PCDHA7: variants seen among roughly 807,000 people sequenced by gnomAD.
The protein encoded by PCDHA7 is protocadherin alpha 7, also known as protocadherin alpha-7.
PCDHA7 carries 37 observed loss-of-function variants against 57.2 expected under a neutral mutation model. The ratio of observed to expected loss-of-function variants is 0.65; its 90% CI spans 0.50 to 0.85. PCDHA7 has a LOEUF of 0.85. Ranked by LOEUF, PCDHA7 falls within the 40% of genes least tolerant of loss-of-function variation. The pLI is 0.00. For synonymous variants in PCDHA7, 553 were observed against 558.8 expected (o/e 0.99, Z 0.15); for missense variants, 1,188 against 1,241.8 (o/e 0.96, Z 0.65).
intron 1 of PCDHA7, among the ~76,000 whole-genome samples, chr5:140,955,418 G>A: frequency 6.6e-6 from 1 of 152,140 alleles, no homozygotes; most frequent in Non-Finnish European, 1.5e-5. Flanking sequence ...ATGATAGTGA[G>A]TGAGTTCTCA....
rs2060245016 is a variant in PCDHA7 at position 140,884,536 on chromosome 5, G to C, written c.2355+47798G>C. 5 of 1,614,090 alleles carry C rather than the reference G, an allele frequency of 3.1e-6. No individual in the cohort carries two copies. In the East Asian group the frequency reaches 1.1e-4, roughly 36 times the overall value. ...GGTCGTACTCGCAGCAGAGGCGGCC[G>C]AGGGTGTGCTCTGGGGAGGGCCCGC... On this transcript the variant is annotated intron_variant, in intron 1 of 3. Transcript: ENST00000525929.
At chr5:140,861,404 G>A in intron 1 of PCDHA7, 2 of 468,962 alleles carry the variant, frequency 4.3e-6, no homozygotes, top group East Asian at 5.7e-5. Flanking sequence ...AGCTTGTGGA[G>A]CTGATACCGC....
intron 1 of PCDHA7, chr5:140,862,842 G>A (rs1554157108): frequency 1.7e-6 from 1 of 572,982 alleles, no homozygotes. Flanking sequence ...CGGGCATGCC[G>A]CCTCTGAGCA....
intron 1 of PCDHA7, chr5:140,866,274 A>G (rs1554160163): frequency 6.6e-6 from 1 of 152,156 alleles, no homozygotes; most frequent in African/African-American, 2.4e-5. Flanking sequence ...GTGAATAAAG[A>G]CAGTGTTTGG....
intron 3 of PCDHA7, among the ~76,000 whole-genome samples, chr5:141,008,339 C>T (rs782805145): frequency 1.1e-4 from 16 of 152,176 alleles, no homozygotes; most frequent in Non-Finnish European, 1.5e-4. Context: ...TTTGATGGAG[C>T]TTTTCACGTG....
At chr5:140,963,556 T>A (rs891498931) in intron 1 of PCDHA7, among the ~76,000 whole-genome samples, 28 of 152,238 alleles carry the variant, frequency 1.8e-4, no homozygotes, top group Non-Finnish European at 3.4e-4. Context: ...AAAAAGGGGC[T>A]GTTTTCTGGT....
chr5:140,923,313 C>T (rs1428494241), intron 1 of PCDHA7, among the ~76,000 whole-genome samples: 1 of 152,074 alleles, frequency 6.6e-6, no homozygotes, highest in African/African-American at 2.4e-5. Flanking sequence ...GGGCGCTTGG[C>T]CTAGAAGTTC....
chr5:140,884,586 G>A (rs782106355), intron 1 of PCDHA7: 1 of 1,614,250 alleles, frequency 6.2e-7, no homozygotes, highest in Admixed American at 1.7e-5. Flanking sequence ...ATGGCCTTCA[G>A]TCCCAGCCTT....
At chr5:140,904,957 A>G (rs2071509370) in intron 1 of PCDHA7, among the ~76,000 whole-genome samples, 1 of 152,156 alleles carries the variant, frequency 6.6e-6, no homozygotes, top group African/African-American at 2.4e-5. Flanking sequence ...TGTCTGATGC[A>G]GAATTTGTGA....
At chr5:140,876,745 G>T (rs782242909) in intron 1 of PCDHA7, 2 of 1,614,264 alleles carry the variant, frequency 1.2e-6, no homozygotes, top group South Asian at 2.2e-5. Flanking sequence ...TGAGCTGGTG[G>T]TGACTGCGCG....
intron 1 of PCDHA7, chr5:140,867,114 G>A (rs567577345): frequency 6.6e-6 from 1 of 152,050 alleles, no homozygotes; most frequent in Non-Finnish European, 1.5e-5. Flanking sequence ...TTAACATATT[G>A]TTTTAATTCA....
Position 140,843,085 on chromosome 5 carries a change from C to T in PCDHA7, c.2355+6347C>T, listed in dbSNP as rs2150352201. 8.1e-6 allele frequency: 13 copies of T among 1,595,414 alleles called. 1 individual carries two copies. In the African/African-American group the frequency reaches 1.1e-4, roughly 13 times the overall value. ...TGGTGCCGCGGTCTGTGGGCGCGGGCCACGTGGTAGCGAAGGTGCGCGCAG... is the reference window on the plus strand; with the variant it reads ...TGGTGCCGCGGTCTGTGGGCGCGGGTCACGTGGTAGCGAAGGTGCGCGCAG... On this transcript the variant is annotated intron_variant, in intron 1 of 3. Coordinates refer to ENST00000525929, the MANE Select transcript of PCDHA7 (RefSeq NM_018910.3).
chr5:140,838,485 T>C (rs1233460301), intron 1 of PCDHA7, among the ~76,000 whole-genome samples: 2 of 151,892 alleles, frequency 1.3e-5, no homozygotes, highest in Non-Finnish European at 2.9e-5. Flanking sequence ...TGTTTTTGAT[T>C]ATTTGCTTTC....
intron 1 of PCDHA7, among the ~76,000 whole-genome samples, chr5:140,918,885 T>G (rs2078908612): frequency 6.6e-6 from 1 of 152,202 alleles, no homozygotes; most frequent in Non-Finnish European, 1.5e-5. Context: ...TCTAGAACAG[T>G]GAAAAATAAA....
At chr5:140,857,441 G>A (rs1554150037) in intron 1 of PCDHA7, 3 of 1,598,446 alleles carry the variant, frequency 1.9e-6, no homozygotes, top group African/African-American at 1.3e-5. Context: ...GTTCGTGAAG[G>A]AGAACAACCC....
intron 3 of PCDHA7, among the ~76,000 whole-genome samples, chr5:141,008,590 T>G (rs1259352249): frequency 6.6e-6 from 1 of 152,216 alleles, no homozygotes; most frequent in Non-Finnish European, 1.5e-5. Context: ...CAGGGCAGAT[T>G]TCACCTCCTC....
intron 1 of PCDHA7, chr5:140,863,768 G>C (rs2048166638): frequency 4.1e-6 from 1 of 242,260 alleles, no homozygotes; most frequent in African/African-American, 2.2e-5. Flanking sequence ...GGAAGCCGAG[G>C]CGGGCGGATC....
chr5:140,953,670 T>C (rs2094923970), intron 1 of PCDHA7, among the ~76,000 whole-genome samples: 1 of 152,212 alleles, frequency 6.6e-6, no homozygotes, highest in Non-Finnish European at 1.5e-5. Flanking sequence ...TGGAAGGGTC[T>C]GTTTATTATG....
intron 1 of PCDHA7, among the ~76,000 whole-genome samples, chr5:140,918,108 A>G (rs1283760333): frequency 2.6e-5 from 4 of 152,166 alleles, no homozygotes; most frequent in Non-Finnish European, 5.9e-5. Context: ...GATCTTTCAC[A>G]TCCTTGATTA....
Sources: allele counts gnomAD v4.1 joint callset (sites outside exome capture counted in the v4.1 genomes callset), GRCh38; gene constraint gnomAD v4.1.1; transcripts MANE v1.5; gene names NCBI Gene and HGNC (gene_info 2026-07-23, HGNC 2026-07-21).